The following SLC9A7 variants were observed in gnomAD, a reference collection of about 807,000 sequenced individuals.
The protein encoded by SLC9A7 is sodium/hydrogen exchanger 7.
Under a neutral mutation model 52.6 loss-of-function variants are expected in SLC9A7, and 19 were observed. The observed-to-expected ratio is 0.36, with a 90% CI of 0.25 to 0.53. SLC9A7 has a LOEUF of 0.53. Ranked by LOEUF, SLC9A7 falls within the 20% of genes least tolerant of loss-of-function variation. The probability of loss-of-function intolerance (pLI) is 0.91; values close to 1 mark genes in which losing one functional copy is unlikely to be tolerated. For synonymous variants in SLC9A7, 226 were observed against 252.1 expected, an observed-to-expected ratio of 0.90 and a Z score of 0.98; for missense variants, 455 against 597.9, an observed-to-expected ratio of 0.76 and a Z score of 2.49.
At chrX:46,678,449 T>TTTATTTATTTAC (rs1398097950) in intron 3 of SLC9A7, among the ~76,000 whole-genome samples, 14 of 108,070 alleles carry the variant, frequency 1.3e-4, no homozygotes, top group Non-Finnish European at 2.7e-4. Flanking sequence ...TATTTATTTA[T>TTTATTTATTTAC]TTTTAGAGAC....
In SLC9A7 at chrX:46,602,086, T is replaced by C. The variant is rs1030279733; in HGVS notation, c.*4866A>G. On this transcript the variant is annotated 3_prime_UTR_variant, in exon 17 of 17. Coordinates refer to ENST00000616978, the MANE Select transcript of SLC9A7 (RefSeq NM_001257291.2). ...AAACAAAACAGCTTCCCAGAAACCT[T>C]CATGCTTGATTAGTTAGCAGCTCAG... 5.4e-5 allele frequency: 6 copies of C among 110,723 alleles called. No individual in the cohort carries two copies. The highest frequency in any genetic ancestry group is 2.0e-4 in the African/African-American group (6 of 30,421). The allele number at this position is 110,723 out of a possible 1,213,427, so 9.1% of individuals were successfully genotyped here. A position where few individuals can be genotyped will look rare whatever the true frequency, so the allele number is the denominator to read the frequency against.
intron 1 of SLC9A7, among the ~76,000 whole-genome samples, chrX:46,754,469 C>T (rs968813594): frequency 8.9e-6 from 1 of 111,827 alleles, no homozygotes; most frequent in Admixed American, 9.5e-5. Flanking sequence ...AAAGGGGGGA[C>T]TCCTGATTAA....
intron 5 of SLC9A7, 95 bp downstream of exon 5, chrX:46,669,512 C>T: frequency 2.2e-6 from 1 of 458,216 alleles, no homozygotes; most frequent in African/African-American, 2.5e-5. Context: ...CTACATTCTC[C>T]CTACTGCAAC....
At chrX:46,700,425 T>C (rs1392271242) in intron 1 of SLC9A7, among the ~76,000 whole-genome samples, 2 of 112,545 alleles carry the variant, frequency 1.8e-5, no homozygotes, top group Non-Finnish European at 3.8e-5. Context: ...TTTCCTGACC[T>C]GTTTGTCACT....
At chrX:46,646,204 G>C (rs964896197) in intron 11 of SLC9A7, among the ~76,000 whole-genome samples, 1 of 110,710 alleles carries the variant, frequency 9.0e-6, no homozygotes, top group Admixed American at 9.6e-5. Context: ...CTGGCTCCTG[G>C]GGGCAAACAG....
chrX:46,723,298 C>CAAAAAAAAAAAAAAAAAAAAAAAAAAAA (rs764219707), intron 1 of SLC9A7, among the ~76,000 whole-genome samples: 1 of 18,718 alleles, frequency 5.3e-5, no homozygotes, highest in Non-Finnish European at 1.1e-4. Context: ...AAGATTTCTA[C>CAAAAAAAAAAAAAAAAAAAAAAAAAAAA]AAAAAAAAAA....
chrX:46,613,469 C>A, intron 15 of SLC9A7, 75 bp from the exon 16 acceptor site: 3 of 721,455 alleles, frequency 4.2e-6, no homozygotes, highest in South Asian at 3.4e-5. Flanking sequence ...AAAAATTGCC[C>A]GACATTCCAC....
Position 46,603,422 on chromosome X carries a change from A to G in SLC9A7, c.*3530T>C, listed in dbSNP as rs1942690287. ...AAATGTTTGCAGTGAAGACTACAAG[A>G]CCCTTTGGGGATAAACACAACACTC... On this transcript the variant is annotated 3_prime_UTR_variant, in exon 17 of 17. Transcript: ENST00000616978. 1 of 112,108 alleles carries G rather than the reference A, an allele frequency of 8.9e-6. No individual in the cohort carries two copies. 9.2% of individuals were successfully genotyped at this position (112,108 alleles called of 1,213,427 possible).
rs373338025 is a variant in SLC9A7 at position 46,732,801 on chromosome X, C to T, written c.325+25904G>A. Among the ~76,000 whole-genome samples, 15 of 111,471 alleles carry T rather than the reference C, an allele frequency of 1.3e-4. No homozygotes were observed. In the East Asian group the frequency reaches 2.5e-3, roughly 19 times the overall value. On this transcript the variant is annotated intron_variant, in intron 1 of 16. Coordinates refer to ENST00000616978, the MANE Select transcript of SLC9A7 (RefSeq NM_001257291.2). Reference sequence around the variant, plus strand: ...CAAGGTTTCCTGCTACAGTATTGTTCGATTACTATAAGAAACAACCCTAGG... The same window carrying T: ...CAAGGTTTCCTGCTACAGTATTGTTTGATTACTATAAGAAACAACCCTAGG...
At chrX:46,717,001 C>G (rs999455652) in intron 1 of SLC9A7, among the ~76,000 whole-genome samples, 4 of 111,942 alleles carry the variant, frequency 3.6e-5, no homozygotes, top group African/African-American at 9.8e-5. Context: ...TATGGCAACA[C>G]GCATCCACCA....
chrX:46,731,950 G>A (rs1945048947), intron 1 of SLC9A7, among the ~76,000 whole-genome samples: 1 of 112,160 alleles, frequency 8.9e-6, no homozygotes, highest in African/African-American at 3.2e-5. Flanking sequence ...GGCTGGGTGT[G>A]GTGGCGCATG....
At chrX:46,683,616 A>G (rs1047217633) in intron 1 of SLC9A7, among the ~76,000 whole-genome samples, 4 of 111,727 alleles carry the variant, frequency 3.6e-5, no homozygotes, top group Non-Finnish European at 7.5e-5. Flanking sequence ...TAAGCATTCA[A>G]TTCTGTGAAT....
At chrX:46,738,125 T>A (rs1921021811) in intron 1 of SLC9A7, among the ~76,000 whole-genome samples, 2 of 110,370 alleles carry the variant, frequency 1.8e-5, no homozygotes, top group Non-Finnish European at 3.8e-5. Flanking sequence ...AAAAGAAAAG[T>A]TTGGACATCT....
chrX:46,671,686 A>G (rs1944027376), intron 4 of SLC9A7, among the ~76,000 whole-genome samples: 1 of 111,970 alleles, frequency 8.9e-6, no homozygotes, highest in African/African-American at 3.2e-5. Context: ...GACTGAGGTA[A>G]TGTGGTTTTA....
At chrX:46,651,255 C>T (rs1297693634) in intron 9 of SLC9A7, 32 bp from the exon 10 acceptor site, 8 of 1,165,391 alleles carry the variant, frequency 6.9e-6, no homozygotes, top group South Asian at 1.8e-5. Flanking sequence ...AAGCTGTAAC[C>T]CTGCAGTTCC....
chrX:46,724,504 T>C (rs1944912889), intron 1 of SLC9A7, among the ~76,000 whole-genome samples: 1 of 112,197 alleles, frequency 8.9e-6, no homozygotes, highest in Admixed American at 9.5e-5. Flanking sequence ...TTATATCCTT[T>C]TGAAAAATAT....
At chrX:46,634,437 T>C (rs1162057386) in intron 13 of SLC9A7, among the ~76,000 whole-genome samples, 1 of 111,452 alleles carries the variant, frequency 9.0e-6, no homozygotes, top group Non-Finnish European at 1.9e-5. Context: ...GTATTCCATG[T>C]TAATTAATAA....
At chrX:46,648,546 T>A in intron 11 of SLC9A7, 140 bp downstream of exon 11, 1 of 473,457 alleles carries the variant, frequency 2.1e-6, no homozygotes, top group Non-Finnish European at 3.6e-6. Flanking sequence ...TGTACATCTG[T>A]CTATTTCTCA....
At chrX:46,608,601 T>C in intron 16 of SLC9A7, among the ~76,000 whole-genome samples, 1 of 112,364 alleles carries the variant, frequency 8.9e-6, no homozygotes, top group Non-Finnish European at 1.9e-5. Flanking sequence ...TACCAGTGTT[T>C]AGAAAGTCCC....
Sources: gnomAD v4.1 joint callset for allele counts (sites outside exome capture counted in the v4.1 genomes callset) on GRCh38, gnomAD v4.1.1 for gene constraint, MANE v1.5 for transcripts, NCBI Gene and HGNC (gene_info 2026-07-23, HGNC 2026-07-21) for gene names.